Variants in SNTG1 observed in about 807,000 individuals in gnomAD.
SNTG1 encodes the protein syntrophin gamma 1, also known as gamma-1-syntrophin.
SNTG1 carries 39 observed loss-of-function variants against 74.7 expected under a neutral mutation model. That is an observed-to-expected ratio of 0.52 (90% CI 0.40 to 0.68). The LOEUF (loss-of-function observed/expected upper bound fraction) is 0.68. Among genes scored for constraint, SNTG1 ranks in the 30% least tolerant of loss-of-function variants. The pLI, the probability that SNTG1 is intolerant of heterozygous loss-of-function variation, is 0.00. For missense variants in SNTG1, 685 were observed against 609.5 expected (o/e 1.12, Z -1.30); for synonymous variants, 254 against 217.1 (o/e 1.17, Z -1.49).
chr8:50,664,126 T>C (rs2095239080), intron 15 of SNTG1, among the ~76,000 whole-genome samples: 1 of 152,182 alleles, frequency 6.6e-6, no homozygotes, highest in Admixed American at 6.5e-5. Context: ...ACATGGAAGT[T>C]AGAGAAAAGA....
At chr8:50,126,153 A>T (rs1490544040) in intron 1 of SNTG1, among the ~76,000 whole-genome samples, 1 of 152,104 alleles carries the variant, frequency 6.6e-6, no homozygotes, top group East Asian at 1.9e-4. Flanking sequence ...GGCCAGGGAA[A>T]TTCAGGGACT....
At chr8:50,778,904 T>A (rs1383770922) in intron 18 of SNTG1, among the ~76,000 whole-genome samples, 1 of 152,178 alleles carries the variant, frequency 6.6e-6, no homozygotes, top group Non-Finnish European at 1.5e-5. Context: ...AGGGATCCAG[T>A]TTCAGCTTTC....
intron 4 of SNTG1, among the ~76,000 whole-genome samples, chr8:50,409,218 T>C (rs2092917099): frequency 6.6e-6 from 1 of 152,210 alleles, no homozygotes; most frequent in East Asian, 1.9e-4. Flanking sequence ...GAAAGTCCTA[T>C]AAAATATTGA....
intron 12 of SNTG1, among the ~76,000 whole-genome samples, chr8:50,582,366 G>A (rs1352286169): frequency 1.3e-5 from 2 of 152,054 alleles, no homozygotes; most frequent in African/African-American, 4.8e-5. Flanking sequence ...CTGTGACCTA[G>A]AACTTACATT....
At chr8:50,306,555 A>G (rs2089905645) in intron 2 of SNTG1, among the ~76,000 whole-genome samples, 1 of 152,092 alleles carries the variant, frequency 6.6e-6, no homozygotes, top group Non-Finnish European at 1.5e-5. Context: ...CCACACCAAC[A>G]TCTATTGCTT....
chr8:50,757,837 A>G (rs1208755826), intron 18 of SNTG1, among the ~76,000 whole-genome samples: 3 of 151,880 alleles, frequency 2.0e-5, no homozygotes, highest in East Asian at 3.9e-4. Flanking sequence ...CACAACAGTT[A>G]TATATTGTTT....
chr8:50,063,191 T>A (rs1286170298), intron 1 of SNTG1, among the ~76,000 whole-genome samples: 1 of 152,216 alleles, frequency 6.6e-6, no homozygotes, highest in Non-Finnish European at 1.5e-5. Flanking sequence ...ATATCCAATT[T>A]TATTAGCAAA....
intron 11 of SNTG1, among the ~76,000 whole-genome samples, chr8:50,550,127 G>A (rs1161017224): frequency 1.3e-5 from 2 of 152,118 alleles, no homozygotes; most frequent in African/African-American, 4.8e-5. Context: ...TTTTACCAGT[G>A]ACAGTCTTTT....
At chr8:49,994,890 A>G (rs539975516) in intron 1 of SNTG1, among the ~76,000 whole-genome samples, 23 of 152,310 alleles carry the variant, frequency 1.5e-4, no homozygotes, top group African/African-American at 5.3e-4. Context: ...CTTAAAATGT[A>G]GTAAAGGACA....
At chr8:50,774,886 T>C (rs28660272) in intron 18 of SNTG1, among the ~76,000 whole-genome samples, 1 of 151,246 alleles carries the variant, frequency 6.6e-6, no homozygotes, top group African/African-American at 2.4e-5. Context: ...TGAACTAGAA[T>C]GTTTTAAAAT....
intron 17 of SNTG1, among the ~76,000 whole-genome samples, chr8:50,724,942 A>AT (rs964946098): frequency 4.6e-5 from 7 of 152,154 alleles, no homozygotes; most frequent in Non-Finnish European, 7.4e-5. Context: ...GAGTTAACAG[A>AT]TTTTTTTAAA....
chr8:50,014,736 G>T (rs1433812651), intron 1 of SNTG1, among the ~76,000 whole-genome samples: 1 of 152,056 alleles, frequency 6.6e-6, no homozygotes, highest in African/African-American at 2.4e-5. Flanking sequence ...AAATTATAAT[G>T]TTTAAGGTGT....
At chr8:50,692,407 G>T (rs192057384) in intron 15 of SNTG1, among the ~76,000 whole-genome samples, 2 of 152,098 alleles carry the variant, frequency 1.3e-5, no homozygotes, top group Admixed American at 1.3e-4. Flanking sequence ...TTTGATGATG[G>T]TGACATACAG....
intron 2 of SNTG1, among the ~76,000 whole-genome samples, chr8:50,213,722 G>A (rs2084635232): frequency 6.6e-6 from 1 of 151,838 alleles, no homozygotes; most frequent in African/African-American, 2.4e-5. Context: ...CTGCATAAAT[G>A]TCTTCTTTTG....
intron 2 of SNTG1, among the ~76,000 whole-genome samples, chr8:50,322,539 C>T (rs1398768525): frequency 6.6e-6 from 1 of 152,040 alleles, no homozygotes; most frequent in Non-Finnish European, 1.5e-5. Context: ...TGCTGGTGTT[C>T]TATAATCTTC....
At chr8:50,369,457 G>A (rs2092212223) in intron 2 of SNTG1, among the ~76,000 whole-genome samples, 1 of 152,034 alleles carries the variant, frequency 6.6e-6, no homozygotes, top group South Asian at 2.1e-4. Context: ...TTAGCCAGGG[G>A]TGGTAGTGCA....
At chr8:50,158,019 T>C (rs1485133621) in intron 1 of SNTG1, among the ~76,000 whole-genome samples, 1 of 152,130 alleles carries the variant, frequency 6.6e-6, no homozygotes, top group Non-Finnish European at 1.5e-5. Flanking sequence ...TGGCAAATTG[T>C]AAATACCTCT....
chr8:50,475,066 G>A (rs1416577628), intron 8 of SNTG1, among the ~76,000 whole-genome samples: 1 of 129,006 alleles, frequency 7.8e-6, no homozygotes, highest in African/African-American at 2.8e-5. Flanking sequence ...ATCACACACT[G>A]GGGACTGTTG....
chr8:50,101,467 C>T (rs531682788), intron 1 of SNTG1, among the ~76,000 whole-genome samples: 1 of 152,026 alleles, frequency 6.6e-6, no homozygotes, highest in Non-Finnish European at 1.5e-5. Context: ...TTAATAATAA[C>T]CATCTGGCTG....
Sources: allele counts gnomAD v4.1 joint callset (sites outside exome capture counted in the v4.1 genomes callset), GRCh38; gene constraint gnomAD v4.1.1; transcripts MANE v1.5; gene names NCBI Gene and HGNC (gene_info 2026-07-23, HGNC 2026-07-21).